Variants in DAB1 observed in about 807,000 individuals in gnomAD.
DAB1 encodes disabled homolog 1.
A neutral mutation model predicts 64.6 loss-of-function variants in DAB1; 15 were observed. The observed-to-expected ratio is 0.23, with a 90% CI of 0.16 to 0.36. The LOEUF is 0.36. Among genes scored for constraint, DAB1 ranks in the 10% least tolerant of loss-of-function variants. DAB1 has a pLI of 1.00. For synonymous variants in DAB1, 235 were observed against 251.9 expected (o/e 0.93, Z 0.64); for missense variants, 596 against 706.7 (o/e 0.84, Z 1.78).
chr1:57,025,971 G>C lies in DAB1; in HGVS notation c.786+10C>G. ...CAGAGAGCAGGGTTCAGAGAGCAAT[G>C]CATACTTACGGGGGGAGAGGTTATA... On this transcript the variant is annotated intron_variant, in intron 10 of 14. Transcript: ENST00000371236. 6.4e-7 allele frequency: 1 copy of C among 1,569,252 alleles called. No homozygotes were observed.
intron 10 of DAB1, among the ~76,000 whole-genome samples, chr1:57,024,760 T>G (rs966934335): frequency 2.0e-5 from 3 of 152,218 alleles, no homozygotes; most frequent in Non-Finnish European, 4.4e-5. Context: ...GGTTAGAAGA[T>G]CTCTTCAACC....
At chr1:57,635,343 C>T (rs997310832) in intron 7 of DAB1, among the ~76,000 whole-genome samples, 2 of 152,120 alleles carry the variant, frequency 1.3e-5, no homozygotes, top group East Asian at 1.9e-4. Flanking sequence ...AGGAGGTGAG[C>T]GGCAGGCAAG....
chr1:57,152,110 G>C (rs1659737991), intron 2 of DAB1, among the ~76,000 whole-genome samples: 2 of 152,104 alleles, frequency 1.3e-5, no homozygotes, highest in South Asian at 4.1e-4. Flanking sequence ...CACCATGCCG[G>C]GTGTCTTTTC....
At chr1:57,355,012 C>G (rs375274779) in intron 1 of DAB1, among the ~76,000 whole-genome samples, 75 of 152,172 alleles carry the variant, frequency 4.9e-4, no homozygotes, top group African/African-American at 1.8e-3. Flanking sequence ...TGAGTGTCTT[C>G]TTGGCCCAAA....
chr1:58,327,904 C>T (rs1164792506), intron 4 of DAB1, among the ~76,000 whole-genome samples: 1 of 152,162 alleles, frequency 6.6e-6, no homozygotes, highest in African/African-American at 2.4e-5. Flanking sequence ...GGAGATAAAC[C>T]ACCCAGATCC....
chr1:57,450,900 G>A (rs1037003187), intron 7 of DAB1, among the ~76,000 whole-genome samples: 1 of 152,160 alleles, frequency 6.6e-6, no homozygotes, highest in African/African-American at 2.4e-5. Flanking sequence ...TGTTCCAGTA[G>A]GATTGGCTGG....
At chr1:58,367,000 A>C (rs569258787) in intron 3 of DAB1, among the ~76,000 whole-genome samples, 5 of 152,212 alleles carry the variant, frequency 3.3e-5, no homozygotes, top group Non-Finnish European at 5.9e-5. Flanking sequence ...GTTATTTCAT[A>C]TTTTAATAAA....
intron 4 of DAB1, among the ~76,000 whole-genome samples, chr1:58,330,112 T>C (rs777885069): frequency 1.3e-5 from 2 of 152,202 alleles, no homozygotes; most frequent in Non-Finnish European, 2.9e-5. Flanking sequence ...AAAGGAAAAG[T>C]TCTTCAAGGA....
intron 1 of DAB1, among the ~76,000 whole-genome samples, chr1:57,322,855 A>G (rs767912796): frequency 2.6e-5 from 4 of 152,166 alleles, no homozygotes; most frequent in Non-Finnish European, 5.9e-5. Context: ...AAAGCTTTTA[A>G]TTGGCTACAT....
At chr1:57,865,556 CTGGGCA>C (rs150071956) in intron 1 of DAB1, among the ~76,000 whole-genome samples, 6,555 of 152,200 alleles carry the variant, frequency 0.043, 219 homozygotes, top group Non-Finnish European at 0.066. Flanking sequence ...AACAGGTTCA[CTGGGCA>C]TGATAAACTC....
At chr1:58,193,462 A>G (rs1464962783) in intron 4 of DAB1, among the ~76,000 whole-genome samples, 1 of 152,246 alleles carries the variant, frequency 6.6e-6, no homozygotes, top group East Asian at 1.9e-4. Flanking sequence ...AGACTAAGAC[A>G]TTATTCGTCT....
intron 1 of DAB1, among the ~76,000 whole-genome samples, chr1:57,327,312 T>G (rs2100784308): frequency 6.6e-6 from 1 of 152,222 alleles, no homozygotes; most frequent in South Asian, 2.1e-4. Flanking sequence ...GGAGAAGTGC[T>G]GAGATAATCT....
At chr1:57,387,975 C>T (rs917838815) in intron 1 of DAB1, among the ~76,000 whole-genome samples, 1 of 152,128 alleles carries the variant, frequency 6.6e-6, no homozygotes, top group Non-Finnish European at 1.5e-5. Context: ...CTGTCTTCTT[C>T]CTCCACTCTT....
intron 1 of DAB1, among the ~76,000 whole-genome samples, chr1:57,410,602 C>T (rs1435965268): frequency 2.6e-5 from 4 of 152,206 alleles, no homozygotes; most frequent in African/African-American, 7.2e-5. Context: ...CCAAGTCCCC[C>T]TCCTCCCTGC....
At position 57,136,542 on chromosome 1, in the gene DAB1, C is replaced by T. The variant is rs1347190511; in HGVS notation, c.306+1G>A. 6.8e-7 allele frequency: 1 copy of T among 1,479,186 alleles called. No homozygotes were observed. The allele number at this position is 1,479,186 out of a possible 1,614,324, so 91.6% of individuals were successfully genotyped here. A position where few individuals can be genotyped will look rare whatever the true frequency, so the allele number is the denominator to read the frequency against. On this transcript the variant is annotated splice_donor_variant, in intron 4 of 14. Coordinates refer to ENST00000371236, the MANE Select transcript of DAB1 (RefSeq NM_001365792.1). LOFTEE classifies it high-confidence loss of function. ...CAATGCCATGTGATTGCTTTACTTA[C>T]CCCTGTCTTCTCATCAAAGATTTTG...
intron 6 of DAB1, among the ~76,000 whole-genome samples, chr1:57,758,764 T>C (rs1171718899): frequency 6.6e-6 from 1 of 152,206 alleles, no homozygotes; most frequent in Non-Finnish European, 1.5e-5. Flanking sequence ...TTTTTTTTAT[T>C]TTGTGAAAAA....
chr1:57,903,437 T>C (rs1644505184), intron 5 of DAB1, among the ~76,000 whole-genome samples: 2 of 152,200 alleles, frequency 1.3e-5, no homozygotes. Flanking sequence ...CATTGCTTGC[T>C]GTCCTTATTC....
chr1:58,128,187 T>A (rs1041996407), intron 5 of DAB1, among the ~76,000 whole-genome samples: 3 of 152,034 alleles, frequency 2.0e-5, no homozygotes, highest in Non-Finnish European at 4.4e-5. Context: ...CCCTTGTAAG[T>A]TGGATTCCTA....
intron 7 of DAB1, among the ~76,000 whole-genome samples, chr1:57,590,094 G>A (rs1368889333): frequency 3.3e-5 from 5 of 151,998 alleles, no homozygotes; most frequent in African/African-American, 1.2e-4. Flanking sequence ...TGGTTCTGGA[G>A]GCTAGAAGTC....
Sources: allele counts gnomAD v4.1 joint callset (sites outside exome capture counted in the v4.1 genomes callset), GRCh38; gene constraint gnomAD v4.1.1; transcripts MANE v1.5; gene names NCBI Gene and HGNC (gene_info 2026-07-23, HGNC 2026-07-21).